PHC2: variants seen among roughly 807,000 people sequenced by gnomAD.
The protein encoded by PHC2 is polyhomeotic homolog 2.
PHC2 carries 29 observed loss-of-function variants against 87.4 expected under a neutral mutation model. That is an observed-to-expected ratio of 0.33 (90% confidence interval 0.25 to 0.45). The LOEUF (loss-of-function observed/expected upper bound fraction) is 0.45, where lower values mean the gene tolerates loss of function less well. PHC2 is among the 20% of genes least tolerant of loss of function. The pLI is 1.00. For synonymous variants in PHC2, 438 were observed against 461.7 expected, an observed-to-expected ratio of 0.95 and a Z score of 0.66; for missense variants, 857 against 1,136.7, an observed-to-expected ratio of 0.75 and a Z score of 3.54.
intron 7 of PHC2, among the ~76,000 whole-genome samples, chr1:33,362,199 AAACC>A (rs1647209877): frequency 6.6e-6 from 1 of 152,254 alleles, no homozygotes. Context: ...TATTTTGTTT[AAACC>A]ACAAAGAGGT....
intron 9 of PHC2, among the ~76,000 whole-genome samples, chr1:33,341,710 G>A (rs1429362315): frequency 1.3e-5 from 2 of 152,170 alleles, no homozygotes; most frequent in African/African-American, 2.4e-5. Flanking sequence ...CATTGATTAC[G>A]TGTGCGTCTC....
chr1:33,329,686 G>A lies in PHC2; in HGVS notation c.2148+385C>T, dbSNP rs77228662. Among the ~76,000 whole-genome samples the A allele has an allele frequency of 2.0e-4, 30 of 152,286 alleles. No homozygotes were observed. The East Asian group carries it at 5.2e-3, about 26-fold the overall frequency. On this transcript the variant is annotated intron_variant, in intron 13 of 14. Coordinates refer to ENST00000683057, the MANE Select transcript of PHC2 (RefSeq NM_001385109.1). ...ACCTTCAAGAACTCTGTGCTCGCGT[G>A]TTCAGGGAGGCAAAAAGGTGGCAAA...
chr1:33,409,429 A>G (rs1224154597), intron 1 of PHC2, among the ~76,000 whole-genome samples: 1 of 152,198 alleles, frequency 6.6e-6, no homozygotes, highest in Admixed American at 6.5e-5. Flanking sequence ...TGCACTCATA[A>G]ATTTAAAAAA....
At chr1:33,352,113 T>C (rs1271336128) in intron 9 of PHC2, among the ~76,000 whole-genome samples, 1 of 152,056 alleles carries the variant, frequency 6.6e-6, no homozygotes, top group Non-Finnish European at 1.5e-5. Context: ...AGAAAGAAAA[T>C]TTTGAGAGCT....
At chr1:33,330,245 T>C in intron 12 of PHC2, 33 bp from the exon 13 acceptor site, 1 of 1,611,040 alleles carries the variant, frequency 6.2e-7, no homozygotes, top group Non-Finnish European at 8.5e-7. Context: ...GATGTCACAG[T>C]AGTCATTGTG....
chr1:33,335,073 G>A (rs1405519555), intron 9 of PHC2: 6 of 402,036 alleles, frequency 1.5e-5, no homozygotes, highest in African/African-American at 2.2e-5. Flanking sequence ...CTGTCTCTCT[G>A]TGGACAACCT....
intron 1 of PHC2, among the ~76,000 whole-genome samples, chr1:33,381,675 A>G (rs1648500154): frequency 6.6e-6 from 1 of 151,136 alleles, no homozygotes; most frequent in African/African-American, 2.4e-5. Flanking sequence ...ACCTTGAGCC[A>G]TTATTTCAGC....
At chr1:33,336,212 C>T (rs905845623) in intron 9 of PHC2, among the ~76,000 whole-genome samples, 1 of 152,082 alleles carries the variant, frequency 6.6e-6, no homozygotes, top group Non-Finnish European at 1.5e-5. Flanking sequence ...TGGTCTCGAA[C>T]TCCTGATCTC....
Position 33,382,131 on chromosome 1 carries a change from A to G in PHC2, c.-54-6538T>C, listed in dbSNP as rs775313931. On this transcript the variant is annotated intron_variant, in intron 1 of 14. Coordinates refer to ENST00000683057, the MANE Select transcript of PHC2 (RefSeq NM_001385109.1). The surrounding 1 kb of genome is among the most constrained non-coding windows in gnomAD (Gnocchi z 4.3). ...AAGGGAACTTGAGTTGGAAGAAAAC[A>G]TAATTAGTAAGTGTGGACCCATATA... Among the ~76,000 whole-genome samples the G allele has an allele frequency of 6.6e-6, 1 of 152,192 alleles. No homozygotes were observed. The highest frequency in any genetic ancestry group is 2.4e-5 in the African/African-American group (1 of 41,448).
At chr1:33,325,041 CAG>C (rs1453626233) in intron 14 of PHC2, 22 bp from the exon 15 acceptor site, 2 of 1,588,532 alleles carry the variant, frequency 1.3e-6, no homozygotes, top group African/African-American at 1.3e-5. Context: ...CCACCAAAGA[CAG>C]TGTCAATCCA....
chr1:33,332,125 T>G lies in PHC2; in HGVS notation c.1891+150A>C. On this transcript the variant is annotated intron_variant, in intron 11 of 14. Transcript: ENST00000683057. The surrounding 1 kb of genome is among the most constrained non-coding windows in gnomAD (Gnocchi z 4.2). Reference sequence around the variant, plus strand: ...CCGTGATTTCCCCTATCCCTCTTTTTGAGGGAAGGAGGCTGAGGAGGTGCT... The same window carrying G: ...CCGTGATTTCCCCTATCCCTCTTTTGGAGGGAAGGAGGCTGAGGAGGTGCT... The G allele has an allele frequency of 1.2e-6, 1 of 826,136 alleles. No individual in the cohort carries two copies. Among genetic ancestry groups the G allele is most frequent in the Non-Finnish European group, 1.9e-6 (1 of 525,216 alleles). 51.2% of individuals were successfully genotyped at this position (826,136 alleles called of 1,614,324 possible).
At chr1:33,330,906 C>G (rs1424236887) in intron 12 of PHC2, among the ~76,000 whole-genome samples, 1 of 152,198 alleles carries the variant, frequency 6.6e-6, no homozygotes, top group Non-Finnish European at 1.5e-5. Context: ...ATAATCGTAT[C>G]AATTGACTGG....
At chr1:33,375,163 G>C (rs745474163) in intron 2 of PHC2, among the ~76,000 whole-genome samples, 40 of 152,044 alleles carry the variant, frequency 2.6e-4, no homozygotes, top group Non-Finnish European at 5.0e-4. Context: ...TTTCACACAC[G>C]TGTCCTCCAA....
chr1:33,416,568 T>G, intron 1 of PHC2, among the ~76,000 whole-genome samples: 1 of 130,214 alleles, frequency 7.7e-6, no homozygotes, highest in Admixed American at 7.9e-5. Context: ...AGAGTGAGAT[T>G]CTGTCTCAAA....
At position 33,324,150 on chromosome 1, in the gene PHC2, T is replaced by C. The variant is rs1646322653; in HGVS notation, c.*715A>G. 6.5e-6 allele frequency: 1 copy of C among 152,814 alleles called. No individual in the cohort carries two copies. The highest frequency in any genetic ancestry group is 1.5e-5 in the Non-Finnish European group (1 of 68,188). The allele number at this position is 152,814 out of a possible 1,614,324, so 9.5% of individuals were successfully genotyped here. Reference sequence around the variant, plus strand: ...CTGCGCTGAGGCTGCCATTCTTGGCTATTCCCCATCCTGAGGCTGAGTGGA... The same window carrying C: ...CTGCGCTGAGGCTGCCATTCTTGGCCATTCCCCATCCTGAGGCTGAGTGGA... On this transcript the variant is annotated 3_prime_UTR_variant, in exon 15 of 15. Coordinates refer to ENST00000683057, the MANE Select transcript of PHC2 (RefSeq NM_001385109.1).
rs1646515916 is a variant in PHC2, at chr1:33,332,219, G to A, written c.1891+56C>T. The A allele has an allele frequency of 6.2e-7, 1 of 1,606,604 alleles. No individual in the cohort carries two copies. The highest frequency in any genetic ancestry group is 1.1e-5 in the South Asian group (1 of 90,928). ...GAAACAGAGAGAGGAAGTGTGTGAG[G>A]CCTGCCTTTCCAGCCACGCTGGGAG... is the stretch of plus-strand genomic sequence containing the variant. On this transcript the variant is annotated intron_variant, in intron 11 of 14. Transcript: ENST00000683057. This position sits in a 1 kb window ranked among gnomAD's most constrained non-coding sequence, Gnocchi z 4.2.
chr1:33,367,559 A>G (rs1009986817), intron 6 of PHC2, 131 bp from the exon 7 acceptor site: 3 of 741,484 alleles, frequency 4.0e-6, no homozygotes, highest in East Asian at 2.6e-5. Flanking sequence ...AGAGAGAGAG[A>G]ATGTGTTAGG....
chr1:33,424,245 G>A (rs1650578760), intron 1 of PHC2, among the ~76,000 whole-genome samples: 1 of 152,122 alleles, frequency 6.6e-6, no homozygotes, highest in South Asian at 2.1e-4. Flanking sequence ...AAACGAACGG[G>A]TGCCTTATAA....
intron 13 of PHC2, 96 bp from the exon 14 acceptor site, chr1:33,329,242 A>T: frequency 1.5e-6 from 2 of 1,306,338 alleles, no homozygotes; most frequent in Non-Finnish European, 2.1e-6. Flanking sequence ...TACTTGGCCT[A>T]CTACTACACA....
Sources: allele counts gnomAD v4.1 joint callset (sites outside exome capture counted in the v4.1 genomes callset), GRCh38; gene constraint gnomAD v4.1.1; non-coding constraint Gnocchi (gnomAD v3.1); transcripts MANE v1.5; gene names NCBI Gene and HGNC (gene_info 2026-07-23, HGNC 2026-07-21).